Variants in FSTL5 observed in about 807,000 individuals in gnomAD.
FSTL5 encodes follistatin-related protein 5.
FSTL5 carries 62 observed loss-of-function variants against 89.1 expected under a neutral mutation model. The ratio of observed to expected loss-of-function variants is 0.70; its 90% CI spans 0.57 to 0.86. The LOEUF (loss-of-function observed/expected upper bound fraction) is 0.86, where lower values mean the gene tolerates loss of function less well. FSTL5 is among the 40% of genes least tolerant of loss of function. The probability of loss-of-function intolerance (pLI) is 0.00; values close to 1 mark genes in which losing one functional copy is unlikely to be tolerated. For synonymous variants in FSTL5, 383 were observed against 346.2 expected, an observed-to-expected ratio of 1.11 and a Z score of -1.18; for missense variants, 1,057 against 1,001.6, an observed-to-expected ratio of 1.06 and a Z score of -0.75.
At chr4:161,929,685 G>GTGTGTATA (rs58074061) in intron 3 of FSTL5, among the ~76,000 whole-genome samples, 7,784 of 149,158 alleles carry the variant, frequency 0.052, 229 homozygotes, top group Non-Finnish European at 0.064. Flanking sequence ...GTGTGTGTGT[G>GTGTGTATA]TGTGTGTGTG....
intron 3 of FSTL5, among the ~76,000 whole-genome samples, chr4:162,017,778 A>T (rs982706508): frequency 2.6e-5 from 4 of 152,142 alleles, no homozygotes; most frequent in Admixed American, 2.6e-4. Context: ...CACACTCAAG[A>T]TTTTCAAAAT....
chr4:162,089,656 A>AAAAAAAG lies in FSTL5; in HGVS notation c.126+21614_126+21615insCTTTTTT, dbSNP rs1561012753. 9.5e-5 allele frequency among the ~76,000 whole-genome samples: 13 copies of AAAAAAAG among 136,418 alleles called. 1 individual carries two copies. Among genetic ancestry groups the AAAAAAAG allele is most frequent in the South Asian group, 2.3e-4 (1 of 4,266 alleles). The allele number at this position is 136,418 out of a possible 152,430, so 89.5% of individuals were successfully genotyped here. On this transcript the variant is annotated intron_variant, in intron 2 of 15. Coordinates refer to ENST00000306100, the MANE Select transcript of FSTL5 (RefSeq NM_020116.5). ...TCAAAAAAAAAAAAAAAAAAGAAAA[A>AAAAAAAG]AAAGAAAGAAAGAAATTGGGTTAAT...
chr4:161,502,977 AT>A (rs1254288952), intron 11 of FSTL5, among the ~76,000 whole-genome samples: 4 of 151,616 alleles, frequency 2.6e-5, no homozygotes, highest in East Asian at 3.8e-4. Context: ...TATATATTAT[AT>A]TTTTTGACAA....
chr4:161,853,324 G>A (rs940910849), intron 4 of FSTL5, among the ~76,000 whole-genome samples: 2 of 152,046 alleles, frequency 1.3e-5, no homozygotes, highest in African/African-American at 4.8e-5. Flanking sequence ...CTGGCGTGCA[G>A]TGGCACGATC....
intron 15 of FSTL5, among the ~76,000 whole-genome samples, chr4:161,393,898 C>T (rs1730910287): frequency 6.6e-6 from 1 of 152,148 alleles, no homozygotes. Context: ...TCAGGCCTCT[C>T]ATTTTCCAAA....
chr4:161,891,071 A>G (rs1541870), intron 4 of FSTL5, among the ~76,000 whole-genome samples: 126,825 of 150,188 alleles, frequency 0.84, 53,523 homozygotes, highest in Non-Finnish European at 0.9. Context: ...CTTTTAATCA[A>G]TTTGACTTTT....
chr4:161,545,913 AT>A (rs1193755534), intron 8 of FSTL5, among the ~76,000 whole-genome samples: 17 of 152,004 alleles, frequency 1.1e-4, no homozygotes, highest in African/African-American at 3.9e-4. Flanking sequence ...ACCAATAAAA[AT>A]AAAAACAACA....
chr4:161,992,847 C>CAA (rs60808579), intron 3 of FSTL5, among the ~76,000 whole-genome samples: 4 of 22,892 alleles, frequency 1.7e-4, no homozygotes, highest in African/African-American at 5.2e-4. Context: ...AACTCCATCT[C>CAA]AAAAAAAAAA....
intron 4 of FSTL5, among the ~76,000 whole-genome samples, chr4:161,790,451 C>T (rs1052254555): frequency 3.3e-5 from 5 of 152,190 alleles, no homozygotes; most frequent in South Asian, 2.1e-4. Context: ...GCCCCACTTA[C>T]GTGCTGCCTT....
rs1733773737 is a variant in FSTL5, at chr4:161,467,135, TA to T, written c.1609-7817del. Among the ~76,000 whole-genome samples the T allele has an allele frequency of 2.6e-5, 4 of 152,278 alleles. No homozygotes were observed. The South Asian group carries it at 8.3e-4, about 32-fold the overall frequency. On this transcript the variant is annotated intron_variant, in intron 13 of 15. Coordinates refer to ENST00000306100, the MANE Select transcript of FSTL5 (RefSeq NM_020116.5). ...ACTGTAACATTATTTTCTTTATTGT[TA>T]TTTTTTTCAAGAAGGCATTTTGATT...
chr4:161,657,931 TTTAAG>T (rs1400064179), intron 6 of FSTL5, among the ~76,000 whole-genome samples: 2 of 152,172 alleles, frequency 1.3e-5, no homozygotes, highest in Admixed American at 6.5e-5. Flanking sequence ...GTCACGCTTA[TTTAAG>T]TTATCATTGT....
chr4:161,390,207 C>T (rs1730774740), intron 15 of FSTL5, among the ~76,000 whole-genome samples: 1 of 152,140 alleles, frequency 6.6e-6, no homozygotes, highest in Non-Finnish European at 1.5e-5. Context: ...CTAGGTGAAC[C>T]TGAGCTCTGC....
At chr4:162,021,973 C>T (rs1355741800) in intron 3 of FSTL5, among the ~76,000 whole-genome samples, 13 of 151,894 alleles carry the variant, frequency 8.6e-5, no homozygotes, top group Non-Finnish European at 1.6e-4. Flanking sequence ...TGCCTGTAAT[C>T]CCAGCTATTT....
intron 6 of FSTL5, among the ~76,000 whole-genome samples, chr4:161,665,383 G>A (rs149339719): frequency 3.7e-4 from 57 of 152,058 alleles, no homozygotes; most frequent in Non-Finnish European, 5.6e-4. Flanking sequence ...ACAGGCGCCC[G>A]CTACCTCGCC....
At chr4:161,569,105 T>G (rs1030184257) in intron 8 of FSTL5, among the ~76,000 whole-genome samples, 1 of 152,162 alleles carries the variant, frequency 6.6e-6, no homozygotes, top group African/African-American at 2.4e-5. Context: ...TCAAGCCTCC[T>G]TAGTATCTGA....
At chr4:161,538,740 T>C (rs1731720631) in intron 9 of FSTL5, among the ~76,000 whole-genome samples, 1 of 152,062 alleles carries the variant, frequency 6.6e-6, no homozygotes, top group Admixed American at 6.6e-5. Flanking sequence ...ATCATGCAGG[T>C]ATACTATTGC....
At chr4:161,949,251 C>T (rs1311253224) in intron 3 of FSTL5, among the ~76,000 whole-genome samples, 3 of 152,108 alleles carry the variant, frequency 2.0e-5, no homozygotes, top group African/African-American at 7.2e-5. Context: ...TTACATCGGG[C>T]CCACTTGGAT....
intron 13 of FSTL5, among the ~76,000 whole-genome samples, chr4:161,475,362 C>T (rs1734100997): frequency 6.6e-6 from 1 of 152,000 alleles, no homozygotes; most frequent in South Asian, 2.1e-4. Context: ...CTCTCTTCTC[C>T]TTCTGGGACT....
intron 9 of FSTL5, among the ~76,000 whole-genome samples, chr4:161,539,644 A>C (rs1480689922): frequency 6.6e-6 from 1 of 152,082 alleles, no homozygotes; most frequent in Non-Finnish European, 1.5e-5. Flanking sequence ...CAGCAGCATT[A>C]AAGCAGCCAG....
Sources: allele counts gnomAD v4.1 joint callset (sites outside exome capture counted in the v4.1 genomes callset), GRCh38; gene constraint gnomAD v4.1.1; transcripts MANE v1.5; gene names NCBI Gene and HGNC (gene_info 2026-07-23, HGNC 2026-07-21).